Variants in AGPAT3 observed in about 807,000 individuals in gnomAD.
AGPAT3 encodes the protein 1-acylglycerol-3-phosphate O-acyltransferase 3.
In AGPAT3, 5 loss-of-function variants were observed where a neutral mutation model predicts 47.3. The ratio of observed to expected loss-of-function variants is 0.11; its 90% CI spans 0.06 to 0.22. AGPAT3 has a LOEUF of 0.22. Ranked by LOEUF, AGPAT3 falls within the 10% of genes least tolerant of loss-of-function variation. AGPAT3 has a pLI of 1.00. For synonymous variants in AGPAT3, 212 were observed against 208.3 expected, an observed-to-expected ratio of 1.02 and a Z score of -0.15; for missense variants, 315 against 493.0, an observed-to-expected ratio of 0.64 and a Z score of 3.42.
chr21:43,980,786 A>C (rs1031062527), intron 8 of AGPAT3, among the ~76,000 whole-genome samples: 5 of 152,126 alleles, frequency 3.3e-5, no homozygotes, highest in Non-Finnish European at 7.4e-5. Context: ...TATGCTTGCG[A>C]GCTCTCGATG....
intron 1 of AGPAT3, among the ~76,000 whole-genome samples, chr21:43,871,218 G>A (rs13047961): frequency 0.31 from 47,312 of 152,002 alleles, 8,059 homozygotes; most frequent in East Asian, 0.53. Context: ...GAAGAGAGGG[G>A]GAAAAATCCC....
At chr21:43,865,992 A>G (rs941924484) in intron 1 of AGPAT3, among the ~76,000 whole-genome samples, 1 of 152,132 alleles carries the variant, frequency 6.6e-6, no homozygotes, top group African/African-American at 2.4e-5. Flanking sequence ...GGATGGGGTC[A>G]GTCCGGGGGC....
chr21:43,900,784 T>C (rs2086331161), intron 1 of AGPAT3, among the ~76,000 whole-genome samples: 1 of 152,048 alleles, frequency 6.6e-6, no homozygotes, highest in South Asian at 2.1e-4. Context: ...AAGGTTGTCC[T>C]ACAAAGGTCC....
chr21:43,870,825 G>A (rs1272968704), intron 1 of AGPAT3, among the ~76,000 whole-genome samples: 2 of 152,180 alleles, frequency 1.3e-5, no homozygotes, highest in Admixed American at 1.3e-4. Flanking sequence ...GATTCTGACA[G>A]GGTCCAGCTA....
chr21:43,925,657 G>T (rs2146226512), intron 2 of AGPAT3, among the ~76,000 whole-genome samples: 1 of 152,334 alleles, frequency 6.6e-6, no homozygotes, highest in East Asian at 1.9e-4. Context: ...GCTCCGCTCT[G>T]TCCCCTCAGG....
At chr21:43,953,058 T>C (rs1473381186) in intron 2 of AGPAT3, among the ~76,000 whole-genome samples, 4 of 152,208 alleles carry the variant, frequency 2.6e-5, no homozygotes, top group African/African-American at 9.7e-5. Flanking sequence ...CCAGCGGCTC[T>C]GCCATGCATT....
rs1386015089 is a variant in AGPAT3, at chr21:43,908,898, C to G, written c.-49+4879C>G. Among the ~76,000 whole-genome samples, 2 of 152,164 alleles carry G rather than the reference C, an allele frequency of 1.3e-5. No individual in the cohort carries two copies. Among genetic ancestry groups the G allele is most frequent in the African/African-American group, 4.8e-5 (2 of 41,432 alleles). ...GGCTCAGGCTCAGCTCACACGGTCC[C>G]CGGATGCCCCTGCTGTGCTCCGAGG... On this transcript the variant is annotated intron_variant, in intron 2 of 9. Coordinates refer to ENST00000291572, the MANE Select transcript of AGPAT3 (RefSeq NM_020132.5). The surrounding 1 kb of genome is among the most constrained non-coding windows in gnomAD (Gnocchi z 4.9).
At chr21:43,890,041 A>G (rs2086067379) in intron 1 of AGPAT3, among the ~76,000 whole-genome samples, 1 of 150,218 alleles carries the variant, frequency 6.7e-6, no homozygotes, top group African/African-American at 2.4e-5. Flanking sequence ...CTGTGTCCCT[A>G]AAATCTGACA....
At chr21:43,918,449 A>G (rs149306343) in intron 2 of AGPAT3, among the ~76,000 whole-genome samples, 5 of 152,210 alleles carry the variant, frequency 3.3e-5, no homozygotes, top group African/African-American at 1.2e-4. Context: ...AGGGCTATGT[A>G]GGAAGTGGGG....
chr21:43,978,270 CTTCT>C (rs2089696563), intron 8 of AGPAT3, 149 bp downstream of exon 8: 6 of 584,110 alleles, frequency 1.0e-5, no homozygotes, highest in Non-Finnish European at 9.0e-6. Flanking sequence ...TCTTTCATTT[CTTCT>C]TTCTGTTGTT....
intron 2 of AGPAT3, among the ~76,000 whole-genome samples, chr21:43,907,896 C>T (rs1266622187): frequency 6.6e-6 from 1 of 152,226 alleles, no homozygotes; most frequent in East Asian, 1.9e-4. Context: ...ACACGTTTGT[C>T]GATTCCCCTG....
intron 8 of AGPAT3, 55 bp from the exon 9 acceptor site, chr21:43,980,934 A>T (rs2089827237): frequency 1.3e-6 from 2 of 1,526,926 alleles, no homozygotes; most frequent in African/African-American, 2.7e-5. Context: ...CCTGCATTGA[A>T]ATAATAGCTT....
chr21:43,912,198 A>G (rs2086645088), intron 2 of AGPAT3, among the ~76,000 whole-genome samples: 1 of 152,240 alleles, frequency 6.6e-6, no homozygotes, highest in Admixed American at 6.5e-5. Context: ...GGATGGGACC[A>G]CTGTGTGCCT....
Position 43,968,170 on chromosome 21 carries a change from C to T in AGPAT3, c.348+55C>T, listed in dbSNP as rs181298140. 1.9e-3 allele frequency: 1,583 copies of T among 832,318 alleles called. 20 individuals carry two copies. In the African/African-American group the frequency reaches 0.04, roughly 21 times the overall value. The allele number at this position is 832,318 out of a possible 1,614,324, so 51.6% of individuals were successfully genotyped here. On this transcript the variant is annotated intron_variant, in intron 4 of 9. Coordinates refer to ENST00000291572, the MANE Select transcript of AGPAT3 (RefSeq NM_020132.5). ...TGAGCAGGAGGGTCCCGGGGAGGGCCGGGGGTGAGCGGGGACCCAGGGAGG... is the reference window on the plus strand; with the variant it reads ...TGAGCAGGAGGGTCCCGGGGAGGGCTGGGGGTGAGCGGGGACCCAGGGAGG...
rs535514536 is a variant in AGPAT3 at position 43,912,083 on chromosome 21, C to T, written c.-49+8064C>T. On this transcript the variant is annotated intron_variant, in intron 2 of 9. Transcript: ENST00000291572. ...ACTGGGAGCCTAGAGGTATCTTAGT[C>T]GTCCTCACAGGCTCAGCTTGAGCAT... Among the ~76,000 whole-genome samples the T allele has an allele frequency of 4.6e-5, 7 of 152,372 alleles. No individual in the cohort carries two copies. In the South Asian group the frequency reaches 1.0e-3, roughly 23 times the overall value.
intron 3 of AGPAT3, among the ~76,000 whole-genome samples, chr21:43,961,297 G>A (rs1055119190): frequency 6.6e-6 from 1 of 152,160 alleles, no homozygotes; most frequent in Non-Finnish European, 1.5e-5. Flanking sequence ...TAGACACTTC[G>A]TCTCATATGG....
intron 5 of AGPAT3, among the ~76,000 whole-genome samples, chr21:43,969,801 G>A (rs888409564): frequency 6.6e-6 from 1 of 151,930 alleles, no homozygotes; most frequent in Non-Finnish European, 1.5e-5. Flanking sequence ...AGATTTAAGC[G>A]ATTCTCCTGC....
chr21:43,913,169 C>T (rs570164748), intron 2 of AGPAT3, among the ~76,000 whole-genome samples: 2 of 152,294 alleles, frequency 1.3e-5, no homozygotes, highest in Non-Finnish European at 2.9e-5. Flanking sequence ...TGAAACAGAT[C>T]CACATGGTCA....
intron 1 of AGPAT3, among the ~76,000 whole-genome samples, chr21:43,884,819 TG>T (rs1471269254): frequency 6.6e-6 from 1 of 152,146 alleles, no homozygotes; most frequent in East Asian, 1.9e-4. Context: ...CAGGGCTATC[TG>T]TGGGTCTGCC....
Sources: gnomAD v4.1 joint callset for allele counts (sites outside exome capture counted in the v4.1 genomes callset) on GRCh38, gnomAD v4.1.1 for gene constraint, Gnocchi (gnomAD v3.1) non-coding constraint, MANE v1.5 for transcripts, NCBI Gene and HGNC (gene_info 2026-07-23, HGNC 2026-07-21) for gene names.